The following RBFOX1 variants were observed in gnomAD, a reference collection of about 807,000 sequenced individuals.
The protein encoded by RBFOX1 is RNA binding protein fox-1 homolog 1.
In RBFOX1, 8 loss-of-function variants were observed where a neutral mutation model predicts 57.7. That is an observed-to-expected ratio of 0.14 (90% confidence interval 0.08 to 0.25). RBFOX1 has a LOEUF of 0.25. RBFOX1 is among the 10% of genes least tolerant of loss of function. The probability of loss-of-function intolerance (pLI) is 1.00; values close to 1 mark genes in which losing one functional copy is unlikely to be tolerated. For missense variants in RBFOX1, 611 were observed against 548.5 expected, an observed-to-expected ratio of 1.11 and a Z score of -1.14; for synonymous variants, 326 against 222.4, an observed-to-expected ratio of 1.47 and a Z score of -4.15.
chr16:7,643,288 A>G (rs573310554), intron 11 of RBFOX1, among the ~76,000 whole-genome samples: 5 of 152,340 alleles, frequency 3.3e-5, no homozygotes, highest in Admixed American at 3.3e-4. Context: ...GCTCAGAGTA[A>G]ATCCCAGTGT....
intron 4 of RBFOX1, among the ~76,000 whole-genome samples, chr16:7,144,377 C>G (rs953177987): frequency 6.7e-6 from 1 of 150,236 alleles, no homozygotes; most frequent in Admixed American, 6.6e-5. Context: ...CATGGCCACC[C>G]AGGTTAAAAC....
intron 3 of RBFOX1, among the ~76,000 whole-genome samples, chr16:6,772,928 TTGTG>T (rs144015995): frequency 4.6e-5 from 5 of 109,592 alleles, no homozygotes; most frequent in East Asian, 2.9e-4. Context: ...TGGAGTACAT[TTGTG>T]TGTGTGTGTG....
chr16:5,615,713 T>C (rs1274199695), intron 3 of RBFOX1, among the ~76,000 whole-genome samples: 3 of 152,204 alleles, frequency 2.0e-5, no homozygotes, highest in African/African-American at 4.8e-5. Flanking sequence ...GATCCACATT[T>C]TGTGGGACCT....
chr16:6,293,434 G>A (rs1423699249), intron 1 of RBFOX1, among the ~76,000 whole-genome samples: 2 of 116,606 alleles, frequency 1.7e-5, no homozygotes, highest in Non-Finnish European at 3.6e-5. Context: ...ATCATTTTCT[G>A]TTTTGAATAT....
intron 4 of RBFOX1, among the ~76,000 whole-genome samples, chr16:7,431,535 A>C (rs1281555797): frequency 6.6e-6 from 1 of 152,162 alleles, no homozygotes; most frequent in Non-Finnish European, 1.5e-5. Flanking sequence ...CCACCGCGCC[A>C]CTGTGCCCGG....
intron 10 of RBFOX1, among the ~76,000 whole-genome samples, chr16:7,617,352 T>G (rs1170303431): frequency 6.6e-6 from 1 of 152,230 alleles, no homozygotes; most frequent in Non-Finnish European, 1.5e-5. Flanking sequence ...TTATACAATT[T>G]TCATGTGTCA....
At chr16:7,284,402 C>T (rs2095608226) in intron 4 of RBFOX1, among the ~76,000 whole-genome samples, 1 of 152,126 alleles carries the variant, frequency 6.6e-6, no homozygotes, top group Non-Finnish European at 1.5e-5. Flanking sequence ...ACTATCACAG[C>T]TCACTGCAGC....
At chr16:5,907,874 C>T (rs1413333379) in intron 4 of RBFOX1, among the ~76,000 whole-genome samples, 1 of 151,794 alleles carries the variant, frequency 6.6e-6, no homozygotes. Context: ...CCTCAGCCTC[C>T]CAGCTAGCTA....
chr16:7,710,665 G>T lies in RBFOX1; in HGVS notation c.1114G>T (p.Ala372Ser). The T allele has an allele frequency of 1.2e-6, 2 of 1,613,684 alleles. No individual in the cohort carries two copies. The highest frequency in any genetic ancestry group is 2.7e-5 in the African/African-American group (2 of 75,020). Residue 372 changes from alanine to serine, a missense_variant, in exon 16 of 16, where the codon GCT (alanine) becomes TCT (serine). Around this residue, in one of 3 missense-constraint regions of RBFOX1, gnomAD observed 267 missense variants for 229.1 expected, o/e 1.17. Transcript: ENST00000550418. ...PLTDAKTRSH[A>S]DDVGLVLSSL... Reference sequence around the variant, plus strand: ...GACTGATGCCAAGACTAGGAGCCATGCTGATGATGTGGGTCTCGTTCTTTC... The same window carrying T: ...GACTGATGCCAAGACTAGGAGCCATTCTGATGATGTGGGTCTCGTTCTTTC...
At chr16:5,482,417 G>A (rs572225808) in intron 2 of RBFOX1, among the ~76,000 whole-genome samples, 1 of 152,202 alleles carries the variant, frequency 6.6e-6, no homozygotes, top group East Asian at 1.9e-4. Context: ...CCCAGGCGGG[G>A]CTGGCAAATG....
chr16:5,763,314 G>C (rs992557733), intron 3 of RBFOX1, among the ~76,000 whole-genome samples: 2 of 152,192 alleles, frequency 1.3e-5, no homozygotes, highest in African/African-American at 4.8e-5. Context: ...ACACAAGAGC[G>C]CTCCTTTGTT....
chr16:7,693,380 G>A (rs780391446), intron 14 of RBFOX1: 1 of 1,584,290 alleles, frequency 6.3e-7, no homozygotes. Context: ...AACAAACGTT[G>A]CTACTTCTTG....
At chr16:6,195,536 G>A (rs1359435834) in intron 1 of RBFOX1, among the ~76,000 whole-genome samples, 1 of 152,098 alleles carries the variant, frequency 6.6e-6, no homozygotes, top group Non-Finnish European at 1.5e-5. Context: ...TGACCAACAT[G>A]GAGAAACCCC....
At chr16:5,422,343 GAGGAGGGAGA>G (rs1328995624) in intron 1 of RBFOX1, among the ~76,000 whole-genome samples, 1 of 138,464 alleles carries the variant, frequency 7.2e-6, no homozygotes, top group African/African-American at 2.7e-5. Flanking sequence ...GAACGTGGAG[GAGGAGGGAGA>G]AGGAGGGAGC....
chr16:5,249,756 C>T (rs188335599), intron 1 of RBFOX1, among the ~76,000 whole-genome samples: 3 of 152,196 alleles, frequency 2.0e-5, no homozygotes, highest in East Asian at 1.9e-4. Flanking sequence ...GCCAGGAATT[C>T]GAGACCAGCT....
intron 5 of RBFOX1, among the ~76,000 whole-genome samples, chr16:7,559,455 T>TCCAACC (rs1346725381): frequency 2.6e-5 from 4 of 152,146 alleles, no homozygotes; most frequent in African/African-American, 9.7e-5. Flanking sequence ...ATCACCTGCC[T>TCCAACC]CCAACCCCAA....
intron 1 of RBFOX1, among the ~76,000 whole-genome samples, chr16:6,185,041 A>T (rs1215683068): frequency 6.6e-6 from 1 of 152,172 alleles, no homozygotes; most frequent in Non-Finnish European, 1.5e-5. Flanking sequence ...GAGAGATGTC[A>T]AGGAGACAGC....
At chr16:6,483,945 C>A (rs2095418701) in intron 2 of RBFOX1, 1 of 1,057,608 alleles carries the variant, frequency 9.5e-7, no homozygotes, top group African/African-American at 1.7e-5. Context: ...CTCCGGGGAC[C>A]TCGGAGACTG....
intron 2 of RBFOX1, among the ~76,000 whole-genome samples, chr16:6,502,277 C>T (rs910982753): frequency 2.1e-4 from 32 of 152,094 alleles, no homozygotes; most frequent in African/African-American, 6.5e-4. Context: ...AGAAAGTTGA[C>T]ATCAGAACCC....
Sources: gnomAD v4.1 joint callset for allele counts (sites outside exome capture counted in the v4.1 genomes callset) on GRCh38, gnomAD v4.1.1 for gene constraint, gnomAD v4.1.1 regional missense constraint, MANE v1.5 for transcripts, NCBI Gene and HGNC (gene_info 2026-07-23, HGNC 2026-07-21) for gene names.